Variants in CTDSPL2 observed in about 807,000 individuals in gnomAD.
CTDSPL2 encodes the protein CTD small phosphatase like 2, also known as CTD small phosphatase-like protein 2.
Under a neutral mutation model 60.0 loss-of-function variants are expected in CTDSPL2, and 5 were observed. The ratio of observed to expected loss-of-function variants is 0.08; its 90% CI spans 0.04 to 0.18. The LOEUF (loss-of-function observed/expected upper bound fraction) is 0.18. Ranked by LOEUF, CTDSPL2 falls within the 10% of genes least tolerant of loss-of-function variation. CTDSPL2 has a pLI of 1.00. For missense variants in CTDSPL2, 370 were observed against 548.8 expected, an observed-to-expected ratio of 0.67 and a Z score of 3.26; for synonymous variants, 186 against 189.3, an observed-to-expected ratio of 0.98 and a Z score of 0.14.
At chr15:44,455,556 T>C (rs1595713652) in intron 1 of CTDSPL2, among the ~76,000 whole-genome samples, 1 of 152,144 alleles carries the variant, frequency 6.6e-6, no homozygotes, top group Non-Finnish European at 1.5e-5. Flanking sequence ...TGGCTGTGGG[T>C]TTGTCATAAA....
At chr15:44,445,566 T>C (rs900968207) in intron 1 of CTDSPL2, among the ~76,000 whole-genome samples, 7 of 152,246 alleles carry the variant, frequency 4.6e-5, no homozygotes, top group Non-Finnish European at 8.8e-5. Context: ...CTCTACTCTG[T>C]ATTTGTAACA....
rs536677937 is a variant in CTDSPL2 at position 44,448,155 on chromosome 15, C to T, written c.-24-10836C>T. On this transcript the variant is annotated intron_variant, in intron 1 of 12. Coordinates refer to ENST00000260327, the MANE Select transcript of CTDSPL2 (RefSeq NM_016396.3). Reference sequence around the variant, plus strand: ...TGCACTCCACACCAGAGCCCATGTGCTCAATGGTTTGGTCCACATGGTCAA... The same window carrying T: ...TGCACTCCACACCAGAGCCCATGTGTTCAATGGTTTGGTCCACATGGTCAA... 1.6e-5 allele frequency: 4 copies of T among 257,386 alleles called. No individual in the cohort carries two copies. The East Asian group carries it at 3.4e-4, about 22-fold the overall frequency. The allele number at this position is 257,386 out of a possible 1,614,324, so 15.9% of individuals were successfully genotyped here. A position where few individuals can be genotyped will look rare whatever the true frequency, so the allele number is the denominator to read the frequency against.
In CTDSPL2 at chr15:44,479,931, CTT is replaced by C. The variant is rs546428880; in HGVS notation, c.187-4291_187-4290del. On this transcript the variant is annotated intron_variant, in intron 2 of 12. Coordinates refer to ENST00000260327, the MANE Select transcript of CTDSPL2 (RefSeq NM_016396.3). ...GAAAGTTATGTAGTTCAGGGTATCT[CTT>C]TGAACAAATTTTGTTTTTATGTAGT... Among the ~76,000 whole-genome samples, 5 of 152,204 alleles carry C rather than the reference CTT, an allele frequency of 3.3e-5. No individual in the cohort carries two copies. In the South Asian group the frequency reaches 1.0e-3, roughly 32 times the overall value.
At chr15:44,503,729 AG>A (rs2081414896) in intron 8 of CTDSPL2, 1 of 152,172 alleles carries the variant, frequency 6.6e-6, no homozygotes, top group Admixed American at 6.5e-5. Flanking sequence ...CATTCTGTAA[AG>A]CTTGGCAGGG....
chr15:44,471,894 CATGTT>C (rs2080818425), intron 2 of CTDSPL2, among the ~76,000 whole-genome samples: 1 of 151,434 alleles, frequency 6.6e-6, no homozygotes, highest in Non-Finnish European at 1.5e-5. Flanking sequence ...TTTCACTTAG[CATGTT>C]TTCAAAGTGC....
In CTDSPL2 at chr15:44,436,956, C is replaced by A. The variant is rs558319199; in HGVS notation, c.-25+9184C>A. On this transcript the variant is annotated intron_variant, in intron 1 of 12. Transcript: ENST00000260327. ...TATTTGCATATACATAATGAGGTAT[C>A]TTGGAAAGGACCCAAGTTTAAACAT... 1.9e-4 allele frequency among the ~76,000 whole-genome samples: 29 copies of A among 152,142 alleles called. No individual in the cohort carries two copies. In the South Asian group the frequency reaches 4.6e-3, roughly 24 times the overall value.
intron 2 of CTDSPL2, among the ~76,000 whole-genome samples, chr15:44,474,682 T>C (rs1311841967): frequency 4.0e-5 from 6 of 150,964 alleles, no homozygotes; most frequent in Admixed American, 3.3e-4. Context: ...ATAGTGAAAC[T>C]CCATCTCTAC....
chr15:44,465,031 T>A (rs1184396608), intron 2 of CTDSPL2, among the ~76,000 whole-genome samples: 3 of 151,656 alleles, frequency 2.0e-5, no homozygotes, highest in Non-Finnish European at 4.4e-5. Context: ...ATTACTTTTT[T>A]AAAGGCCCTA....
At chr15:44,432,314 TTA>T (rs1234209640) in intron 1 of CTDSPL2, among the ~76,000 whole-genome samples, 22 of 1,956 alleles carry the variant, frequency 0.011, no homozygotes, top group East Asian at 0.25. Context: ...TATTATTTTA[TTA>T]TTATTATTAT....
chr15:44,494,760 C>G (rs2081269506), intron 5 of CTDSPL2, among the ~76,000 whole-genome samples: 3 of 151,744 alleles, frequency 2.0e-5, no homozygotes, highest in Non-Finnish European at 2.9e-5. Context: ...ACTAAAAATA[C>G]AAAAAATTAG....
chr15:44,516,157 G>A (rs1191186285), intron 10 of CTDSPL2, among the ~76,000 whole-genome samples: 8 of 151,740 alleles, frequency 5.3e-5, no homozygotes, highest in Admixed American at 5.3e-4. Flanking sequence ...TAGTAGAGAT[G>A]GGGTTTCATC....
intron 1 of CTDSPL2, among the ~76,000 whole-genome samples, chr15:44,444,303 A>T (rs2080154723): frequency 2.6e-5 from 1 of 38,964 alleles, no homozygotes; most frequent in Non-Finnish European, 6.9e-5. Flanking sequence ...CTTTTCCCAT[A>T]CACACACACA....
intron 8 of CTDSPL2, among the ~76,000 whole-genome samples, chr15:44,502,688 T>C (rs1232768237): frequency 6.6e-6 from 1 of 152,156 alleles, no homozygotes; most frequent in Non-Finnish European, 1.5e-5. Context: ...ATTATGAGAG[T>C]ATATACAGTA....
In CTDSPL2 at chr15:44,526,365, A is replaced by G. The variant is rs1244550631; in HGVS notation, c.*2191A>G. The G allele has an allele frequency of 6.6e-6, 1 of 152,160 alleles. No homozygotes were observed. Among genetic ancestry groups the G allele is most frequent in the Non-Finnish European group, 1.5e-5 (1 of 67,996 alleles). 9.4% of individuals were successfully genotyped at this position (152,160 alleles called of 1,614,324 possible). A position where few individuals can be genotyped will look rare whatever the true frequency, so the allele number is the denominator to read the frequency against. ...TTTCCCATAATCTAAAGGGAAATGT[A>G]AGCACCTATACTCTTGTGCCTGTGG... is the stretch of plus-strand genomic sequence containing the variant. On this transcript the variant is annotated 3_prime_UTR_variant, in exon 13 of 13. Transcript: ENST00000260327.
At chr15:44,449,300 GT>G (rs1024017148) in intron 1 of CTDSPL2, 1 of 192,472 alleles carries the variant, frequency 5.2e-6, no homozygotes, top group Non-Finnish European at 1.1e-5. Flanking sequence ...CTTTTTTTAT[GT>G]TTTCTTCCAT....
chr15:44,478,889 G>A (rs918676918), intron 2 of CTDSPL2, among the ~76,000 whole-genome samples: 1 of 152,138 alleles, frequency 6.6e-6, no homozygotes, highest in Non-Finnish European at 1.5e-5. Flanking sequence ...GGCTGAGGCA[G>A]AATTGCTTGA....
intron 7 of CTDSPL2, 105 bp downstream of exon 7, chr15:44,497,243 C>T (rs1208682568): frequency 3.3e-6 from 2 of 613,824 alleles, no homozygotes; most frequent in Admixed American, 5.8e-5. Flanking sequence ...TCATGTTTTC[C>T]TGAAGGACCA....
chr15:44,427,787 C>G lies in CTDSPL2; in HGVS notation c.-25+15C>G. The G allele has an allele frequency of 2.5e-6, 1 of 398,946 alleles. No homozygotes were observed. The highest frequency in any genetic ancestry group is 4.4e-6 in the Non-Finnish European group (1 of 226,178). The allele number at this position is 398,946 out of a possible 1,614,324, so 24.7% of individuals were successfully genotyped here. On this transcript the variant is annotated intron_variant, in intron 1 of 12. Transcript: ENST00000260327. The stretch of plus-strand genomic sequence containing the variant: ...GTCACAGTTAGGTAATCCCCTTCGT[C>G]CAGACGCCGCCGCTGCTTCCAATCT...
chr15:44,469,607 T>C (rs2140734028), intron 2 of CTDSPL2, among the ~76,000 whole-genome samples: 1 of 152,316 alleles, frequency 6.6e-6, no homozygotes, highest in South Asian at 2.1e-4. Flanking sequence ...TTTGATTTCT[T>C]TGGTATTTTT....
Sources: allele counts gnomAD v4.1 joint callset (sites outside exome capture counted in the v4.1 genomes callset), GRCh38; gene constraint gnomAD v4.1.1; transcripts MANE v1.5; gene names NCBI Gene and HGNC (gene_info 2026-07-23, HGNC 2026-07-21).